The following PLA2G2A variants were observed in gnomAD, a reference collection of about 807,000 sequenced individuals.
The protein encoded by PLA2G2A is phospholipase A2 group IIA.
PLA2G2A carries 6 observed loss-of-function variants against 11.2 expected under a neutral mutation model. The observed-to-expected ratio is 0.54, with a 90% CI of 0.29 to 1.06. The LOEUF (loss-of-function observed/expected upper bound fraction) is 1.06, where lower values mean the gene tolerates loss of function less well. Ranked by LOEUF, PLA2G2A falls within the 50% of genes least tolerant of loss-of-function variation. The pLI is 0.08. For missense variants in PLA2G2A, 133 were observed against 177.1 expected (o/e 0.75, Z 1.41); for synonymous variants, 69 against 65.8 (o/e 1.05, Z -0.23).
chr1:19,978,029 C>T (rs1405638407), exon 4 of PLA2G2A: 3 of 1,606,032 alleles, frequency 1.9e-6, no homozygotes, highest in Admixed American at 1.7e-5. Flanking sequence ...GGTGATTCTG[C>T]TCCCCGAGTT....
Position 19,978,234 on chromosome 1 carries a change from A to G in PLA2G2A, c.186-113T>C, listed in dbSNP as rs935161307. ...AGACCCAGTGACTTTGCAACAGTCT[A>G]GAGCAGAAGTTCCAACATGCCGGCT... is the stretch of plus-strand genomic sequence containing the variant. On this transcript the variant is annotated intron_variant, in intron 3 of 4. Transcript: ENST00000482011. The G allele has an allele frequency of 4.5e-6, 6 of 1,336,066 alleles. No homozygotes were observed. The Admixed American group carries it at 5.2e-5, about 12-fold the overall frequency. 82.8% of individuals were successfully genotyped at this position (1,336,066 alleles called of 1,614,324 possible).
At chr1:19,977,290 A>G (rs2046233713) in intron 4 of PLA2G2A, among the ~76,000 whole-genome samples, 2 of 151,920 alleles carry the variant, frequency 1.3e-5, no homozygotes, top group South Asian at 4.2e-4. Context: ...TATCCATCCA[A>G]CAACTCCCTC....
exon 2 of PLA2G2A, chr1:19,978,784 C>T (rs764640871): frequency 6.2e-7 from 1 of 1,614,108 alleles, no homozygotes; most frequent in South Asian, 1.1e-5. Flanking sequence ...GGTAAGAGTT[C>T]TTGGGTGACA....
At position 19,975,799 on chromosome 1, in the gene PLA2G2A, C is replaced by T. The variant is rs781284957; in HGVS notation, c.337G>A (p.Ala113Thr). Residue 113 changes from alanine to threonine, a missense_variant, in exon 5 of 5, where the codon GCT becomes ACT. By Grantham distance (58) the Ala-to-Thr change is moderately conservative. Coordinates refer to ENST00000482011, the Ensembl canonical transcript of PLA2G2A. ...TTTCTAGCAAAACAGGTGGCAGCAG[C>T]CTTATCACACTCACACAGTTGACTT... 1.2e-5 allele frequency: 19 copies of T among 1,613,800 alleles called. No homozygotes were observed. In the South Asian group the frequency reaches 2.0e-4, roughly 17 times the overall value.
In PLA2G2A at chr1:19,979,054, C is replaced by T. The variant is rs182860096; in HGVS notation, c.-106-175G>A. The stretch of plus-strand genomic sequence containing the variant: ...GCAGAATGGTTTCACACACATCAGG[C>T]CCTCAGACCTGTGGAGAACCCCATG... On this transcript the variant is annotated intron_variant, in intron 1 of 4. Coordinates refer to ENST00000482011, the Ensembl canonical transcript of PLA2G2A. 1.7e-5 allele frequency: 9 copies of T among 535,934 alleles called. No individual in the cohort carries two copies. The East Asian group carries it at 2.1e-4, about 12-fold the overall frequency. 33.2% of individuals were successfully genotyped at this position (535,934 alleles called of 1,614,324 possible).
At chr1:19,978,189 C>T in intron 3 of PLA2G2A, 68 bp from the exon 4 acceptor site, 1 of 1,357,024 alleles carries the variant, frequency 7.4e-7, no homozygotes, top group Non-Finnish European at 1.1e-6. Flanking sequence ...TGTGGTCTCA[C>T]CCCCTTGGAC....
intron 4 of PLA2G2A, among the ~76,000 whole-genome samples, chr1:19,976,511 C>T (rs967710343): frequency 6.6e-6 from 1 of 152,196 alleles, no homozygotes; most frequent in African/African-American, 2.4e-5. Context: ...ATGCGACAGT[C>T]ACATATCCCC....
chr1:19,978,793 C>G (rs762196749), exon 2 of PLA2G2A: 1 of 1,613,872 alleles, frequency 6.2e-7, no homozygotes, highest in Admixed American at 1.7e-5. Context: ...TCTTGGGTGA[C>G]AAATGCAGAT....
At chr1:19,979,088 A>T (rs1328617093) in intron 1 of PLA2G2A, 1 of 450,966 alleles carries the variant, frequency 2.2e-6, no homozygotes, top group African/African-American at 2.0e-5. Context: ...TGATACACTA[A>T]TGAGACCTCC....
chr1:19,978,859 C>A, exon 2 of PLA2G2A: 1 of 1,239,558 alleles, frequency 8.1e-7, no homozygotes, highest in Non-Finnish European at 1.2e-6. Context: ...GCCGTCGCTC[C>A]CCTGCTCCTC....
intron 3 of PLA2G2A, 53 bp from the exon 4 acceptor site, chr1:19,978,174 G>A (rs1385489156): frequency 3.5e-6 from 5 of 1,433,154 alleles, no homozygotes; most frequent in Admixed American, 1.7e-5. Context: ...AGGAGGCCTG[G>A]TGCCTGTGGT....
chr1:19,977,968 C>T, intron 4 of PLA2G2A, 47 bp downstream of exon 4: 2 of 1,108,378 alleles, frequency 1.8e-6, no homozygotes, highest in Non-Finnish European at 2.8e-6. Context: ...GTCCCCAGCA[C>T]TGTCTAAACA....
At chr1:19,977,507 A>G (rs908032393) in intron 4 of PLA2G2A, among the ~76,000 whole-genome samples, 2 of 152,288 alleles carry the variant, frequency 1.3e-5, no homozygotes, top group Non-Finnish European at 2.9e-5. Flanking sequence ...CTAAAATGCA[A>G]ATCTGACCCT....
At chr1:19,979,804 T>C (rs1302344279), upstream of PLA2G2A, 1 of 152,240 alleles carries the variant, frequency 6.6e-6, no homozygotes, top group African/African-American at 2.4e-5. Context: ...TGGGAAACCT[T>C]ACGTGTCAGT....
chr1:19,978,424 G>A (rs2046254420), exon 3 of PLA2G2A: 2 of 1,611,932 alleles, frequency 1.2e-6, no homozygotes. Flanking sequence ...CCACGCCACA[G>A]TGGCAGCCGT....
At chr1:19,979,025 C>A in intron 1 of PLA2G2A, 146 bp from the exon 2 acceptor site, 1 of 581,068 alleles carries the variant, frequency 1.7e-6, no homozygotes, top group Non-Finnish European at 3.1e-6. Context: ...CCGTTCCCAG[C>A]TCTGCAGAAT....
Position 19,979,099 on chromosome 1 carries a change from C to T in PLA2G2A, c.-106-220G>A, listed in dbSNP as rs2046267532. ...CCCATGATACACTAATGAGACCTCC[C>T]CTGTACCTCATCAGACTGAGAGTTC... On this transcript the variant is annotated intron_variant, in intron 1 of 4. Transcript: ENST00000482011. 3 of 411,522 alleles carry T rather than the reference C, an allele frequency of 7.3e-6. No individual in the cohort carries two copies. The Admixed American group carries it at 1.1e-4, about 15-fold the overall frequency. 25.5% of individuals were successfully genotyped at this position (411,522 alleles called of 1,614,324 possible). A position where few individuals can be genotyped will look rare whatever the true frequency, so the allele number is the denominator to read the frequency against.
chr1:19,977,985 G>A (rs748323052), intron 4 of PLA2G2A, 30 bp downstream of exon 4: 8 of 1,270,992 alleles, frequency 6.3e-6, no homozygotes, highest in Admixed American at 1.7e-5. Flanking sequence ...AACAAATGAG[G>A]GCCACTCGAT....
At chr1:19,978,112 G>A (rs544856016) in exon 4 of PLA2G2A, 8 of 1,611,922 alleles carry the variant, frequency 5.0e-6, no homozygotes, top group Non-Finnish European at 6.8e-6. Context: ...AGTCATGAGT[G>A]ACACAGCAGC....
Sources: gnomAD v4.1 joint callset for allele counts (sites outside exome capture counted in the v4.1 genomes callset) on GRCh38, gnomAD v4.1.1 for gene constraint, MANE v1.5 for transcripts, NCBI Gene and HGNC (gene_info 2026-07-23, HGNC 2026-07-21) for gene names.